TSPAN18: variants seen among roughly 807,000 people sequenced by gnomAD.
The protein encoded by TSPAN18 is tetraspanin-18.
TSPAN18 carries 14 observed loss-of-function variants against 27.3 expected under a neutral mutation model. That is an observed-to-expected ratio of 0.51 (90% CI 0.34 to 0.80). The LOEUF (loss-of-function observed/expected upper bound fraction) is 0.80. TSPAN18 is among the 30% of genes least tolerant of loss of function. The pLI is 0.01. For synonymous variants in TSPAN18, 143 were observed against 136.5 expected (o/e 1.05, Z -0.33); for missense variants, 268 against 323.9 (o/e 0.83, Z 1.32).
chr11:44,881,358 C>G (rs1208492931), intron 3 of TSPAN18, among the ~76,000 whole-genome samples: 1 of 152,142 alleles, frequency 6.6e-6, no homozygotes, highest in African/African-American at 2.4e-5. Flanking sequence ...CCTCAGCCGC[C>G]GCCCCTGAAC....
intron 2 of TSPAN18, among the ~76,000 whole-genome samples, chr11:44,800,109 G>A (rs972182761): frequency 6.0e-5 from 9 of 149,210 alleles, no homozygotes; most frequent in African/African-American, 9.9e-5. Flanking sequence ...CACCTGCCTC[G>A]GCCTCCCAAA....
At chr11:44,761,575 G>A (rs1029612741) in intron 1 of TSPAN18, among the ~76,000 whole-genome samples, 5 of 152,182 alleles carry the variant, frequency 3.3e-5, no homozygotes, top group African/African-American at 9.7e-5. Flanking sequence ...AAATTCCACC[G>A]AAGACGGGAG....
intron 2 of TSPAN18, among the ~76,000 whole-genome samples, chr11:44,847,926 T>G (rs986053578): frequency 2.6e-5 from 4 of 151,996 alleles, no homozygotes; most frequent in Non-Finnish European, 5.9e-5. Flanking sequence ...CTCTGCCTCC[T>G]GGGTTCAAGC....
intron 3 of TSPAN18, among the ~76,000 whole-genome samples, chr11:44,860,673 G>T (rs1189968817): frequency 6.6e-6 from 1 of 152,214 alleles, no homozygotes; most frequent in Non-Finnish European, 1.5e-5. Context: ...GGTTGCTGGG[G>T]TCTCACTAGA....
chr11:44,805,412 A>T (rs1856571143), intron 2 of TSPAN18, among the ~76,000 whole-genome samples: 1 of 152,198 alleles, frequency 6.6e-6, no homozygotes. Flanking sequence ...GGATGCTGGT[A>T]AATCAGGGAA....
intron 2 of TSPAN18, among the ~76,000 whole-genome samples, chr11:44,841,587 G>A (rs1001930140): frequency 1.1e-4 from 17 of 152,224 alleles, no homozygotes; most frequent in African/African-American, 4.1e-4. Flanking sequence ...AATAAGAAAG[G>A]CTGCCTTACT....
intron 9 of TSPAN18, among the ~76,000 whole-genome samples, chr11:44,927,525 G>C (rs1047229106): frequency 1.3e-5 from 2 of 152,208 alleles, no homozygotes; most frequent in Non-Finnish European, 2.9e-5. Flanking sequence ...GCCTTGCCTG[G>C]TTTCCCACTG....
intron 6 of TSPAN18, 53 bp from the exon 7 acceptor site, chr11:44,919,161 G>T: frequency 7.1e-7 from 1 of 1,411,942 alleles, no homozygotes; most frequent in Non-Finnish European, 1.0e-6. Flanking sequence ...GATGGAGGGT[G>T]GGGGCTGCAC....
At chr11:44,915,385 T>G (rs1590684776) in intron 5 of TSPAN18, among the ~76,000 whole-genome samples, 1 of 151,780 alleles carries the variant, frequency 6.6e-6, no homozygotes, top group East Asian at 1.9e-4. Context: ...CCCACCCTCC[T>G]GGAAATGAGA....
At chr11:44,890,520 G>A (rs1242866373) in intron 3 of TSPAN18, among the ~76,000 whole-genome samples, 3 of 151,954 alleles carry the variant, frequency 2.0e-5, no homozygotes, top group Non-Finnish European at 2.9e-5. Context: ...TCAGGAGATC[G>A]AGACCATCCT....
At chr11:44,739,578 T>G (rs1854881069) in intron 1 of TSPAN18, among the ~76,000 whole-genome samples, 1 of 152,186 alleles carries the variant, frequency 6.6e-6, no homozygotes, top group Non-Finnish European at 1.5e-5. Context: ...GAGCTGAAAT[T>G]ACGCCAATGC....
In TSPAN18 at chr11:44,731,633, T is replaced by TGTGTGTGTGTGTGTGAGAGA. The variant is rs139154582; in HGVS notation, c.-240+4347_-240+4348insTGTGTGTGTGTGTGAGAGAG. Among the ~76,000 whole-genome samples, 26 of 107,436 alleles carry TGTGTGTGTGTGTGTGAGAGA rather than the reference T, an allele frequency of 2.4e-4. No homozygotes were observed. The South Asian group carries it at 2.6e-3, about 11-fold the overall frequency. 70.5% of individuals were successfully genotyped at this position (107,436 alleles called of 152,430 possible). ...GTGTGTGTGTGTGTGTGTGTGTGTG[T>TGTGTGTGTGTGTGTGAGAGA]GAGAGAGAGAGAGAGAGAGAGAAAA... On this transcript the variant is annotated intron_variant, in intron 1 of 9. Coordinates refer to ENST00000520358, the MANE Select transcript of TSPAN18 (RefSeq NM_130783.5).
chr11:44,919,168 G>C, intron 6 of TSPAN18, 46 bp from the exon 7 acceptor site: 1 of 1,486,026 alleles, frequency 6.7e-7, no homozygotes, highest in Non-Finnish European at 9.4e-7. Flanking sequence ...GGTGGGGGCT[G>C]CACCCAACTG....
intron 2 of TSPAN18, among the ~76,000 whole-genome samples, chr11:44,800,796 G>C (rs1856463337): frequency 6.6e-6 from 1 of 152,202 alleles, no homozygotes; most frequent in African/African-American, 2.4e-5. Context: ...GCAGTCAGTG[G>C]GGTCATAAAT....
chr11:44,810,449 C>A (rs1457274401), intron 2 of TSPAN18, among the ~76,000 whole-genome samples: 1 of 152,166 alleles, frequency 6.6e-6, no homozygotes, highest in Admixed American at 6.5e-5. Flanking sequence ...CAGTGGGTAT[C>A]AGAACTCCAT....
intron 3 of TSPAN18, among the ~76,000 whole-genome samples, chr11:44,893,583 G>A (rs570952561): frequency 9.9e-5 from 15 of 152,266 alleles, no homozygotes; most frequent in South Asian, 2.1e-4. Flanking sequence ...GCCTCGGGCC[G>A]GCGTCCTGAC....
At chr11:44,799,036 G>A (rs1468809258) in intron 2 of TSPAN18, among the ~76,000 whole-genome samples, 6 of 56,624 alleles carry the variant, frequency 1.1e-4, no homozygotes, top group African/African-American at 4.3e-4. Context: ...CCCCCTCCCA[G>A]GCAGTGCCGC....
intron 2 of TSPAN18, among the ~76,000 whole-genome samples, chr11:44,804,845 C>T (rs1165014999): frequency 1.3e-5 from 2 of 152,160 alleles, no homozygotes; most frequent in African/African-American, 4.8e-5. Flanking sequence ...GCAAGAGAAC[C>T]TCTCCACTTC....
In TSPAN18 at chr11:44,931,052, C is replaced by A. The variant is rs1203896486; in HGVS notation, c.*1874C>A. 1.9e-5 allele frequency: 8 copies of A among 432,100 alleles called. No individual in the cohort carries two copies. In the East Asian group the frequency reaches 4.2e-4, roughly 23 times the overall value. 26.8% of individuals were successfully genotyped at this position (432,100 alleles called of 1,614,324 possible). ...GCCTGCTGCAAAGATTCAGGTGGAC[C>A]CTCCTCTAATCTCCTCCTGCTGTGC... On this transcript the variant is annotated 3_prime_UTR_variant, in exon 10 of 10. Transcript: ENST00000520358.
Sources: allele counts gnomAD v4.1 joint callset (sites outside exome capture counted in the v4.1 genomes callset), GRCh38; gene constraint gnomAD v4.1.1; transcripts MANE v1.5; gene names NCBI Gene and HGNC (gene_info 2026-07-23, HGNC 2026-07-21).